FHIT: variants seen among roughly 807,000 people sequenced by gnomAD.
The protein encoded by FHIT is bis(5'-adenosyl)-triphosphatase.
Under a neutral mutation model 17.9 loss-of-function variants are expected in FHIT, and 19 were observed. The ratio of observed to expected loss-of-function variants is 1.06; its 90% CI spans 0.74 to 1.56. The LOEUF (loss-of-function observed/expected upper bound fraction) is 1.56. FHIT is among the 40% of genes most tolerant of loss of function. The pLI, the probability that FHIT is intolerant of heterozygous loss-of-function variation, is 0.00. For synonymous variants in FHIT, 81 were observed against 69.7 expected (o/e 1.16, Z -0.81); for missense variants, 248 against 189.2 (o/e 1.31, Z -1.82).
chr3:60,171,746 C>A (rs576614626), intron 5 of FHIT, among the ~76,000 whole-genome samples: 3 of 152,260 alleles, frequency 2.0e-5, no homozygotes, highest in East Asian at 1.9e-4. Context: ...CTGTATACAG[C>A]CCAGGCTGGA....
intron 3 of FHIT, among the ~76,000 whole-genome samples, chr3:60,840,677 T>C (rs1702697327): frequency 6.6e-6 from 1 of 152,248 alleles, no homozygotes. Flanking sequence ...TCTCCCCACA[T>C]TCTTCTTTTT....
At chr3:60,248,035 G>A (rs973011551) in intron 5 of FHIT, among the ~76,000 whole-genome samples, 2 of 152,122 alleles carry the variant, frequency 1.3e-5, no homozygotes, top group Admixed American at 1.3e-4. Flanking sequence ...TTACTTCAGA[G>A]TAGAATTTTA....
At chr3:60,811,486 G>C (rs1701569838) in intron 4 of FHIT, among the ~76,000 whole-genome samples, 1 of 152,114 alleles carries the variant, frequency 6.6e-6, no homozygotes, top group Non-Finnish European at 1.5e-5. Flanking sequence ...CTAAATGTAT[G>C]TTTGCAACTC....
intron 4 of FHIT, among the ~76,000 whole-genome samples, chr3:60,607,915 C>A (rs1214162595): frequency 6.6e-6 from 1 of 152,016 alleles, no homozygotes; most frequent in Non-Finnish European, 1.5e-5. Flanking sequence ...GTGTCTATTC[C>A]CTTTGGCACT....
At chr3:60,012,137 G>T (rs1427972110) in intron 6 of FHIT, among the ~76,000 whole-genome samples, 1 of 152,138 alleles carries the variant, frequency 6.6e-6, no homozygotes, top group African/African-American at 2.4e-5. Flanking sequence ...CCCGCCGTAA[G>T]GATTAAGCAT....
At chr3:60,228,630 T>C (rs1160018483) in intron 5 of FHIT, among the ~76,000 whole-genome samples, 1 of 152,114 alleles carries the variant, frequency 6.6e-6, no homozygotes, top group Non-Finnish European at 1.5e-5. Context: ...AAATGACAAA[T>C]ACCTCACAAG....
chr3:59,887,354 T>C (rs1218858934), intron 8 of FHIT, among the ~76,000 whole-genome samples: 3 of 152,148 alleles, frequency 2.0e-5, no homozygotes, highest in Admixed American at 6.5e-5. Flanking sequence ...AAATTCCACA[T>C]TTGTGGTGAG....
intron 4 of FHIT, among the ~76,000 whole-genome samples, chr3:60,740,364 G>A (rs2042217493): frequency 6.6e-6 from 1 of 152,106 alleles, no homozygotes; most frequent in South Asian, 2.1e-4. Flanking sequence ...CCTTCTCTAT[G>A]AAAAGGAGAT....
chr3:60,614,859 C>T (rs1317488362), intron 4 of FHIT, among the ~76,000 whole-genome samples: 4 of 133,308 alleles, frequency 3.0e-5, no homozygotes, highest in Non-Finnish European at 6.2e-5. Flanking sequence ...GAGATGGAGC[C>T]CTGCTCTGTC....
chr3:61,057,533 A>C (rs1295553652), intron 2 of FHIT, among the ~76,000 whole-genome samples: 2 of 152,240 alleles, frequency 1.3e-5, no homozygotes, highest in Non-Finnish European at 1.5e-5. Context: ...TAGGAAAAAA[A>C]AAATCACAAA....
At chr3:60,367,694 T>C (rs1278944473) in intron 5 of FHIT, among the ~76,000 whole-genome samples, 3 of 152,204 alleles carry the variant, frequency 2.0e-5, no homozygotes, top group African/African-American at 7.2e-5. Context: ...AAAAGTTACA[T>C]GGTATGACCT....
intron 4 of FHIT, among the ~76,000 whole-genome samples, chr3:60,708,660 T>A (rs1355338133): frequency 7.9e-5 from 12 of 152,146 alleles, no homozygotes; most frequent in African/African-American, 2.9e-4. Flanking sequence ...AAAATTAAAA[T>A]TCCAGACTTT....
intron 3 of FHIT, among the ~76,000 whole-genome samples, chr3:60,868,981 A>C (rs1427188011): frequency 1.3e-5 from 2 of 152,062 alleles, no homozygotes; most frequent in Non-Finnish European, 2.9e-5. Flanking sequence ...GCCTTTTAAT[A>C]CTGTAGTATA....
intron 4 of FHIT, among the ~76,000 whole-genome samples, chr3:60,817,193 C>T (rs1330960924): frequency 6.6e-6 from 1 of 152,034 alleles, no homozygotes; most frequent in Non-Finnish European, 1.5e-5. Context: ...ATATGGATTA[C>T]ATCTGTACAT....
At chr3:60,684,706 C>G (rs1553697928) in intron 4 of FHIT, among the ~76,000 whole-genome samples, 1 of 152,056 alleles carries the variant, frequency 6.6e-6, no homozygotes, top group African/African-American at 2.4e-5. Flanking sequence ...CAGACAGTTT[C>G]CTGAGTCTAG....
At chr3:61,050,181 G>A (rs555874609) in intron 2 of FHIT, among the ~76,000 whole-genome samples, 13 of 152,174 alleles carry the variant, frequency 8.5e-5, no homozygotes, top group African/African-American at 2.9e-4. Context: ...TTTTGTTATA[G>A]CGGCTTCCAT....
In FHIT at chr3:61,233,245, T is replaced by TAC. The variant is rs145433582; in HGVS notation, c.-213+18054_-213+18055dup. ...CTAAGAAAATAATAAGAGATTTGTG[T>TAC]ACACACACACACACACATTCACTGC... On this transcript the variant is annotated intron_variant, in intron 1 of 9. Coordinates refer to ENST00000492590, the MANE Select transcript of FHIT (RefSeq NM_002012.4). 3.7e-3 allele frequency among the ~76,000 whole-genome samples: 564 copies of TAC among 151,040 alleles called. 2 individuals carry two copies. Among genetic ancestry groups the TAC allele is most frequent in the South Asian group, 0.021 (98 of 4,776 alleles).
intron 5 of FHIT, among the ~76,000 whole-genome samples, chr3:60,346,484 C>T (rs1710786847): frequency 6.6e-6 from 1 of 152,294 alleles, no homozygotes; most frequent in African/African-American, 2.4e-5. Context: ...TGCACCTTAC[C>T]CAGGGGAGGA....
intron 5 of FHIT, among the ~76,000 whole-genome samples, chr3:60,361,175 A>T (rs1200890345): frequency 1.3e-5 from 2 of 152,230 alleles, no homozygotes; most frequent in African/African-American, 4.8e-5. Context: ...AAAAATGAGC[A>T]AGTCATGCCT....
Sources: allele counts gnomAD v4.1 joint callset (sites outside exome capture counted in the v4.1 genomes callset), GRCh38; gene constraint gnomAD v4.1.1; transcripts MANE v1.5; gene names NCBI Gene and HGNC (gene_info 2026-07-23, HGNC 2026-07-21).